Variants in PCDHGB6 observed in about 807,000 individuals in gnomAD.
PCDHGB6 encodes protocadherin gamma subfamily B, 6.
PCDHGB6 carries 51 observed loss-of-function variants against 59.1 expected under a neutral mutation model. That is an observed-to-expected ratio of 0.86 (90% CI 0.69 to 1.09). The LOEUF (loss-of-function observed/expected upper bound fraction) is 1.09, where lower values mean the gene tolerates loss of function less well. Ranked by LOEUF, PCDHGB6 falls within the 50% of genes least tolerant of loss-of-function variation. The pLI, the probability that PCDHGB6 is intolerant of heterozygous loss-of-function variation, is 0.00. For missense variants in PCDHGB6, 1,148 were observed against 1,205.1 expected, an observed-to-expected ratio of 0.95 and a Z score of 0.70; for synonymous variants, 466 against 495.1, an observed-to-expected ratio of 0.94 and a Z score of 0.78.
At chr5:141,503,916 C>T (rs1372491893) in intron 2 of PCDHGB6, among the ~76,000 whole-genome samples, 1 of 152,246 alleles carries the variant, frequency 6.6e-6, no homozygotes, top group African/African-American at 2.4e-5. Context: ...CAACGCAACA[C>T]ACACACAGAC....
rs922405350 is a variant in PCDHGB6, at chr5:141,512,227, T to C, written c.*1054T>C. 5 of 152,764 alleles carry C rather than the reference T, an allele frequency of 3.3e-5. No homozygotes were observed. The highest frequency in any genetic ancestry group is 1.2e-4 in the African/African-American group (5 of 41,552). 9.5% of individuals were successfully genotyped at this position (152,764 alleles called of 1,614,324 possible). On this transcript the variant is annotated 3_prime_UTR_variant, in exon 4 of 4. Transcript: ENST00000520790. ...AAGCAGGTTTAGGACCAGGTCCCCTTGAGAGGTCAGAGGGGCCTCTGTGGG... is the reference window on the plus strand; with the variant it reads ...AAGCAGGTTTAGGACCAGGTCCCCTCGAGAGGTCAGAGGGGCCTCTGTGGG...
At chr5:141,449,948 C>T (rs1294423807) in intron 1 of PCDHGB6, among the ~76,000 whole-genome samples, 1 of 151,034 alleles carries the variant, frequency 6.6e-6, no homozygotes, top group Non-Finnish European at 1.5e-5. Context: ...TTTTACTATA[C>T]CTCATAGTAA....
At position 141,485,293 on chromosome 5, in the gene PCDHGB6, G is replaced by A. The variant is rs1356836741; in HGVS notation, c.2419-9514G>A. On this transcript the variant is annotated intron_variant, in intron 1 of 3. Transcript: ENST00000520790. The surrounding 1 kb of genome is among the most constrained non-coding windows in gnomAD (Gnocchi z 5.7). ...GCTACCCGGTCCCAGAGGAGTCACA[G>A]GAAGGGACTTTTGTAGGGAATGTCG... 1 of 1,614,170 alleles carries A rather than the reference G, an allele frequency of 6.2e-7. No individual in the cohort carries two copies.
intron 1 of PCDHGB6, chr5:141,415,073 C>G: frequency 1.9e-6 from 3 of 1,613,434 alleles, no homozygotes; most frequent in Non-Finnish European, 2.5e-6. Flanking sequence ...GTGCGCACGG[C>G]GCGAGCCCTG....
rs1434955829 is a variant in PCDHGB6, at chr5:141,431,361, A to G, written c.2418+20741A>G. 3 of 1,614,002 alleles carry G rather than the reference A, an allele frequency of 1.9e-6. No homozygotes were observed. The highest frequency in any genetic ancestry group is 2.5e-6 in the Non-Finnish European group (3 of 1,180,034). On this transcript the variant is annotated intron_variant, in intron 1 of 3. Transcript: ENST00000520790. The surrounding 1 kb of genome is among the most constrained non-coding windows in gnomAD (Gnocchi z 4.8). ...GAATTGGTGCTGAAACGCGCCCTGG[A>G]CCGCGAAGAAAAGGCTGCTCACCAC...
intron 1 of PCDHGB6, among the ~76,000 whole-genome samples, chr5:141,437,246 C>A (rs897787623): frequency 6.6e-6 from 1 of 152,144 alleles, no homozygotes; most frequent in Non-Finnish European, 1.5e-5. Context: ...CAAGGACTTT[C>A]CTTGTCTTTT....
intron 1 of PCDHGB6, chr5:141,413,826 C>G (rs1363449): frequency 6.2e-7 from 1 of 1,613,180 alleles, no homozygotes; most frequent in Non-Finnish European, 8.5e-7. Flanking sequence ...TGGTCCTCAC[C>G]GCCTCCGACG....
At chr5:141,441,848 T>C (rs1034278597) in intron 1 of PCDHGB6, 2 of 356,906 alleles carry the variant, frequency 5.6e-6, no homozygotes, top group South Asian at 2.4e-5. Context: ...CTCTTGGATA[T>C]GGTGCTGCAC....
At chr5:141,441,718 C>A in intron 1 of PCDHGB6, 1 of 344,940 alleles carries the variant, frequency 2.9e-6, no homozygotes, top group Non-Finnish European at 5.7e-6. Flanking sequence ...ACGCTGCAGG[C>A]CCGCGACCAG....
chr5:141,449,584 G>C (rs2098645697), intron 1 of PCDHGB6, among the ~76,000 whole-genome samples: 1 of 123,190 alleles, frequency 8.1e-6, no homozygotes, highest in South Asian at 2.5e-4. Context: ...GCAAGACTCT[G>C]TCTCAAAAAA....
In PCDHGB6 at chr5:141,493,307, AAG is replaced by A. The variant is rs2099747490; in HGVS notation, c.2419-1494_2419-1493del. Among the ~76,000 whole-genome samples, 1 of 152,234 alleles carries A rather than the reference AAG, an allele frequency of 6.6e-6. No homozygotes were observed. Among genetic ancestry groups the A allele is most frequent in the South Asian group, 2.1e-4 (1 of 4,832 alleles). ...ACTTGCTCAAGTTCACAGAGCAAGT[AAG>A]AGAGATTCTAACCCCTGTCTAACTC... On this transcript the variant is annotated intron_variant, in intron 1 of 3. Transcript: ENST00000520790. This position sits in a 1 kb window ranked among gnomAD's most constrained non-coding sequence, Gnocchi z 4.3.
In PCDHGB6 at chr5:141,419,638, C is replaced by T. The variant is rs191182165; in HGVS notation, c.2418+9018C>T. On this transcript the variant is annotated intron_variant, in intron 1 of 3. Coordinates refer to ENST00000520790, the MANE Select transcript of PCDHGB6 (RefSeq NM_018926.3). Reference sequence around the variant, plus strand: ...GCTACCTGGTGACCAAGGTGGTGGCCGTGGACGCGGACTCGGGGCACAATG... The same window carrying T: ...GCTACCTGGTGACCAAGGTGGTGGCTGTGGACGCGGACTCGGGGCACAATG... The T allele has an allele frequency of 4.9e-3, 7,979 of 1,612,456 alleles. 44 individuals are homozygous for T. Among genetic ancestry groups the T allele is most frequent in the Admixed American group, 9.5e-3 (568 of 60,000 alleles).
Position 141,409,435 on chromosome 5 carries a change from C to T in PCDHGB6, c.1233C>T (p.Asp411=). 1.2e-6 allele frequency: 2 copies of T among 1,613,994 alleles called. No individual in the cohort carries two copies. Among genetic ancestry groups the T allele is most frequent in the Non-Finnish European group, 1.7e-6 (2 of 1,179,896 alleles). The part of the protein sequence containing the change: ...YYKLVTDGAL[D]REQTPEYNVT... ...AACTGGTGACAGATGGAGCCCTGGA[C>T]CGAGAGCAGACACCAGAATACAATG... Residue 411 remains aspartate, a synonymous_variant, in exon 1 of 4, where the codon GAC becomes GAT. Coordinates refer to ENST00000520790, the MANE Select transcript of PCDHGB6 (RefSeq NM_018926.3).
rs776004958 is a variant in PCDHGB6 at position 141,410,344 on chromosome 5, C to T, written c.2142C>T (p.Arg714=). 6 of 1,614,006 alleles carry T rather than the reference C, an allele frequency of 3.7e-6. No individual in the cohort carries two copies. In the South Asian group the frequency reaches 6.6e-5, roughly 18 times the overall value. Residue 714 remains arginine, a synonymous_variant, in exon 1 of 4, where the codon CGC becomes CGT. Transcript: ENST00000520790. ...LLAVILAIAL[R]LRRSLSPATW... ...CCGTGATTCTGGCCATTGCCTTGCG[C>T]CTGCGACGCTCTCTCAGCCCTGCTA...
intron 1 of PCDHGB6, chr5:141,418,237 T>G (rs1470328670): frequency 6.2e-7 from 1 of 1,614,044 alleles, no homozygotes. Context: ...TTGAGGATGT[T>G]AATGACCACG....
intron 1 of PCDHGB6, chr5:141,414,596 C>T: frequency 6.2e-7 from 1 of 1,613,962 alleles, no homozygotes; most frequent in Non-Finnish European, 8.5e-7. Context: ...AGGGGTGCCT[C>T]CATCTTCTCA....
intron 1 of PCDHGB6, chr5:141,427,070 G>A (rs929936578): frequency 3.1e-5 from 14 of 457,822 alleles, no homozygotes; most frequent in Non-Finnish European, 6.2e-5. Context: ...TACTAAAGGT[G>A]ACAGCCACTG....
chr5:141,414,572 C>T, intron 1 of PCDHGB6: 1 of 1,613,960 alleles, frequency 6.2e-7, no homozygotes, highest in Non-Finnish European at 8.5e-7. Context: ...ACCTATATCC[C>T]AGAGAACAAC....
At chr5:141,456,827 G>A (rs183303757) in intron 1 of PCDHGB6, among the ~76,000 whole-genome samples, 13 of 152,236 alleles carry the variant, frequency 8.5e-5, no homozygotes, top group South Asian at 2.1e-4. Flanking sequence ...AGCCATCGTG[G>A]TAGTGGGCGC....
Sources: gnomAD v4.1 joint callset for allele counts (sites outside exome capture counted in the v4.1 genomes callset) on GRCh38, gnomAD v4.1.1 for gene constraint, Gnocchi (gnomAD v3.1) non-coding constraint, MANE v1.5 for transcripts, NCBI Gene and HGNC (gene_info 2026-07-23, HGNC 2026-07-21) for gene names.